Variants in NBAS observed in about 807,000 individuals in gnomAD.
The protein encoded by NBAS is NBAS subunit of NRZ tethering complex, also known as NAG/BC035112 fusion.
A neutral mutation model predicts 302.5 loss-of-function variants in NBAS; 219 were observed. That is an observed-to-expected ratio of 0.72 (90% CI 0.65 to 0.81). The LOEUF is 0.81. Among genes scored for constraint, NBAS ranks in the 30% least tolerant of loss-of-function variants. NBAS has a pLI of 0.00. For missense variants in NBAS, 2,932 were observed against 2,841.6 expected, an observed-to-expected ratio of 1.03 and a Z score of -0.72; for synonymous variants, 1,118 against 1,021.6, an observed-to-expected ratio of 1.09 and a Z score of -1.80.
intron 42 of NBAS, among the ~76,000 whole-genome samples, chr2:15,285,251 C>T (rs1443059219): frequency 1.3e-5 from 2 of 152,100 alleles, no homozygotes; most frequent in Non-Finnish European, 2.9e-5. Context: ...ATTAAAGGTG[C>T]TAAAAATAGC....
chr2:15,464,977 C>T (rs1679661229), intron 19 of NBAS, among the ~76,000 whole-genome samples: 2 of 152,212 alleles, frequency 1.3e-5, no homozygotes, highest in South Asian at 4.1e-4. Context: ...TGAGCCCTTG[C>T]TTCCTATTTA....
chr2:15,021,772 A>G, the NBAS span, among the ~76,000 whole-genome samples: 1 of 152,200 alleles, frequency 6.6e-6, no homozygotes, highest in Non-Finnish European at 1.5e-5. Flanking sequence ...GAAACACCAG[A>G]TTCCCAAGAA....
At chr2:15,026,933 A>C in the NBAS span, among the ~76,000 whole-genome samples, 1 of 152,138 alleles carries the variant, frequency 6.6e-6, no homozygotes, top group Admixed American at 6.6e-5. Context: ...CATATTTATG[A>C]GTTCTCTATT....
chr2:15,103,776 A>G, the NBAS span, among the ~76,000 whole-genome samples: 2 of 152,168 alleles, frequency 1.3e-5, no homozygotes, highest in Admixed American at 6.6e-5. Context: ...AGGAGCAGAT[A>G]AGGTCTGATC....
chr2:15,011,688 CAACCCACACATGCCCCTAACCTAAGA>C, the NBAS span, among the ~76,000 whole-genome samples: 1 of 152,160 alleles, frequency 6.6e-6, no homozygotes, highest in Non-Finnish European at 1.5e-5. Flanking sequence ...GCCAATCCAC[CAACCCACACATGCCCCTAACCTAAGA>C]AACACCAAGA....
chr2:14,981,915 C>G, the NBAS span, among the ~76,000 whole-genome samples: 80 of 152,330 alleles, frequency 5.3e-4, no homozygotes, highest in African/African-American at 1.8e-3. Context: ...GTTCTTCCCT[C>G]CCTCTGTCCA....
the NBAS span, among the ~76,000 whole-genome samples, chr2:14,873,381 ATT>A: frequency 5.1e-4 from 78 of 152,146 alleles, no homozygotes; most frequent in African/African-American, 1.9e-3. Flanking sequence ...CACCTGATTA[ATT>A]TTTTTGTATT....
At chr2:15,527,313 T>C (rs1038242341) in intron 9 of NBAS, among the ~76,000 whole-genome samples, 3 of 152,234 alleles carry the variant, frequency 2.0e-5, no homozygotes, top group African/African-American at 7.2e-5. Flanking sequence ...TTCAAGTAGC[T>C]GATAGTCTAA....
At chr2:15,076,836 C>G in the NBAS span, among the ~76,000 whole-genome samples, 1 of 152,188 alleles carries the variant, frequency 6.6e-6, no homozygotes, top group African/African-American at 2.4e-5. Context: ...AGGAATGGAG[C>G]AATATTTCAC....
chr2:14,954,234 G>T, the NBAS span, among the ~76,000 whole-genome samples: 1 of 152,206 alleles, frequency 6.6e-6, no homozygotes, highest in African/African-American at 2.4e-5. Context: ...TTCCCAGGAT[G>T]TGCTAAAATG....
chr2:15,513,107 C>CA (rs1421682339), intron 9 of NBAS, among the ~76,000 whole-genome samples: 1 of 152,198 alleles, frequency 6.6e-6, no homozygotes, highest in Non-Finnish European at 1.5e-5. Context: ...TAGCCCAACT[C>CA]AAAATCTCAA....
chr2:15,250,628 C>A (rs747848523), intron 44 of NBAS, among the ~76,000 whole-genome samples: 3 of 152,006 alleles, frequency 2.0e-5, no homozygotes, highest in Non-Finnish European at 4.4e-5. Flanking sequence ...AAATAAACAA[C>A]CTCATCAAAA....
At chr2:15,221,831 G>A (rs1446889241) in intron 47 of NBAS, among the ~76,000 whole-genome samples, 1 of 152,192 alleles carries the variant, frequency 6.6e-6, no homozygotes, top group Non-Finnish European at 1.5e-5. Flanking sequence ...GGAAAGATAG[G>A]CTTTCTCACC....
Position 15,172,657 on chromosome 2 carries a change from C to A in NBAS, c.6841-5334G>T, listed in dbSNP as rs1664349978. Among the ~76,000 whole-genome samples, 7 of 152,268 alleles carry A rather than the reference C, an allele frequency of 4.6e-5. No individual in the cohort carries two copies. In the South Asian group the frequency reaches 1.5e-3, roughly 32 times the overall value. ...ATATGGTCTGTGGAAAATCACACAG[C>A]CCTGCCAGTGGGTTGACTGGTGCTT... On this transcript the variant is annotated intron_variant, in intron 51 of 51. Coordinates refer to ENST00000281513, the MANE Select transcript of NBAS (RefSeq NM_015909.4).
chr2:15,282,141 A>G (rs1669852979), intron 42 of NBAS, among the ~76,000 whole-genome samples: 2 of 152,120 alleles, frequency 1.3e-5, no homozygotes, highest in Non-Finnish European at 2.9e-5. Flanking sequence ...TTTTTGTTTT[A>G]GTTTTCAATG....
intron 21 of NBAS, among the ~76,000 whole-genome samples, chr2:15,440,254 G>C (rs1287548318): frequency 6.6e-6 from 1 of 152,204 alleles, no homozygotes; most frequent in Non-Finnish European, 1.5e-5. Flanking sequence ...CTGGGAGACA[G>C]CCCCCAGTAG....
intron 28 of NBAS, chr2:15,393,608 G>GCGAAATGAA: frequency 3.0e-6 from 1 of 329,518 alleles, no homozygotes; most frequent in Non-Finnish European, 6.3e-6. Flanking sequence ...ATTTGTCTGA[G>GCGAAATGAA]AGAAATGAAA....
the NBAS span, among the ~76,000 whole-genome samples, chr2:14,987,956 C>G: frequency 1.3e-5 from 2 of 152,082 alleles, no homozygotes; most frequent in Non-Finnish European, 2.9e-5. Flanking sequence ...TCTCCCTTTC[C>G]CCTCCTGCCA....
the NBAS span, among the ~76,000 whole-genome samples, chr2:14,904,590 G>A: frequency 2.1e-5 from 2 of 95,950 alleles, no homozygotes; most frequent in East Asian, 4.4e-4. Flanking sequence ...CAGTATGATA[G>A]GCTGTGTCAC....
Sources: gnomAD v4.1 joint callset for allele counts (sites outside exome capture counted in the v4.1 genomes callset) on GRCh38, gnomAD v4.1.1 for gene constraint, MANE v1.5 for transcripts, NCBI Gene and HGNC (gene_info 2026-07-23, HGNC 2026-07-21) for gene names.